The following USP7 variants were observed in gnomAD, a reference collection of about 807,000 sequenced individuals.
USP7 encodes ubiquitin C-terminal hydrolase 7.
Under a neutral mutation model 162.9 loss-of-function variants are expected in USP7, and 9 were observed. That is an observed-to-expected ratio of 0.06 (90% confidence interval 0.03 to 0.10). The LOEUF (loss-of-function observed/expected upper bound fraction) is 0.10. USP7 is among the 10% of genes least tolerant of loss of function. The pLI is 1.00. For synonymous variants in USP7, 562 were observed against 475.9 expected (o/e 1.18, Z -2.35); for missense variants, 715 against 1,373.7 (o/e 0.52, Z 7.58).
At chr16:8,914,427 C>T (rs1333191949) in intron 10 of USP7, among the ~76,000 whole-genome samples, 1 of 150,694 alleles carries the variant, frequency 6.6e-6, no homozygotes, top group Non-Finnish European at 1.5e-5. Context: ...CCTCCAAATG[C>T]AAACAGGCAT....
chr16:8,912,069 T>C (rs557941278), intron 10 of USP7, among the ~76,000 whole-genome samples: 19 of 152,218 alleles, frequency 1.2e-4, no homozygotes, highest in Non-Finnish European at 2.8e-4. Flanking sequence ...AAGTCACTTA[T>C]CTGTGCATAA....
At chr16:8,935,926 A>C (rs1596399524) in intron 1 of USP7, 1 of 152,174 alleles carries the variant, frequency 6.6e-6, no homozygotes, top group African/African-American at 2.4e-5. Flanking sequence ...AGTTACGTAG[A>C]CCACTTCAGC....
intron 2 of USP7, among the ~76,000 whole-genome samples, chr16:8,925,029 T>C (rs532689844): frequency 6.6e-6 from 1 of 152,308 alleles, no homozygotes; most frequent in East Asian, 1.9e-4. Flanking sequence ...TAATAACGTC[T>C]AGAATGGCGT....
rs1279914031 is a variant in USP7, at chr16:8,892,672, A to C, written c.*1326T>G. On this transcript the variant is annotated 3_prime_UTR_variant, in exon 31 of 31. Transcript: ENST00000344836. ...CCCCGCAAAACGGAATTAGAAGGAA[A>C]AGTACATCTCAGTGAAACCTTGTTA... The C allele has an allele frequency of 6.6e-6, 1 of 151,930 alleles. No individual in the cohort carries two copies. The highest frequency in any genetic ancestry group is 1.5e-5 in the Non-Finnish European group (1 of 68,004). The allele number at this position is 151,930 out of a possible 1,614,324, so 9.4% of individuals were successfully genotyped here.
At chr16:8,920,317 C>G (rs775840362) in intron 5 of USP7, 42 bp downstream of exon 5, 98 of 1,551,762 alleles carry the variant, frequency 6.3e-5, no homozygotes, top group Non-Finnish European at 6.2e-6. Context: ...CACTGCAGCA[C>G]AAAAGACATT....
chr16:8,962,956 T>C (rs1900078261), intron 1 of USP7: 2 of 213,876 alleles, frequency 9.4e-6, no homozygotes, highest in Admixed American at 5.9e-5. Context: ...CAGGGCGCTT[T>C]GTGCCGCGGA....
At chr16:8,902,793 CAGG>C (rs1243991719) in intron 16 of USP7, among the ~76,000 whole-genome samples, 1 of 151,846 alleles carries the variant, frequency 6.6e-6, no homozygotes, top group African/African-American at 2.4e-5. Context: ...GAGGCTGAGG[CAGG>C]AGAATTGCTT....
At chr16:8,908,524 T>C in intron 11 of USP7, 74 bp from the exon 12 acceptor site, 1 of 1,308,782 alleles carries the variant, frequency 7.6e-7, no homozygotes, top group Non-Finnish European at 1.1e-6. Flanking sequence ...CAACAGCGGT[T>C]CAGCAAGATT....
chr16:8,897,885 C>A (rs1054666674), intron 25 of USP7, among the ~76,000 whole-genome samples: 3 of 150,336 alleles, frequency 2.0e-5, no homozygotes, highest in African/African-American at 7.4e-5. Flanking sequence ...GGTGACAGAG[C>A]GAGACCCTGT....
chr16:8,951,529 C>T (rs774433299), intron 1 of USP7, among the ~76,000 whole-genome samples: 1 of 152,122 alleles, frequency 6.6e-6, no homozygotes, highest in African/African-American at 2.4e-5. Flanking sequence ...GAGAGAGCCC[C>T]TGGATATCCT....
chr16:8,927,081 G>A (rs919763352), intron 2 of USP7, among the ~76,000 whole-genome samples: 21 of 152,286 alleles, frequency 1.4e-4, no homozygotes, highest in South Asian at 4.1e-4. Context: ...CTGGGAGGCC[G>A]GGGTGGGCGA....
intron 1 of USP7, among the ~76,000 whole-genome samples, chr16:8,953,065 G>A (rs1899630114): frequency 6.6e-6 from 1 of 152,070 alleles, no homozygotes; most frequent in Non-Finnish European, 1.5e-5. Flanking sequence ...TTGAACCCCT[G>A]ACCTCGTAAT....
chr16:8,901,320 G>A (rs1199501492), intron 18 of USP7, 86 bp from the exon 19 acceptor site: 33 of 663,596 alleles, frequency 5.0e-5, no homozygotes, highest in Middle Eastern at 6.8e-4. Context: ...ACAAAAAAAC[G>A]AAAAAAAAAA....
chr16:8,913,678 T>C (rs957642391), intron 10 of USP7, among the ~76,000 whole-genome samples: 1 of 152,052 alleles, frequency 6.6e-6, no homozygotes, highest in African/African-American at 2.4e-5. Flanking sequence ...CATATCCAAA[T>C]TAAAAACGGA....
In USP7 at chr16:8,923,390, T is replaced by C. The variant is rs1302502113; in HGVS notation, c.208A>G (p.Thr70Ala). 2 of 1,614,034 alleles carry C rather than the reference T, an allele frequency of 1.2e-6. No individual in the cohort carries two copies. The highest frequency in any genetic ancestry group is 1.7e-6 in the Non-Finnish European group (2 of 1,180,034). ...EDDTSWRSEA[T>A]FQFTVERFSR... ...AAGCGCTCCACAGTGAACTGAAAGG[T>C]TGCCTCGGAGCGCCAACTGGTGTCT... The change falls in exon 3 of 31, where the codon ACC (threonine) becomes GCC (alanine). Residue 70 changes from threonine to alanine, a missense_variant. Thr to Ala is a moderately conservative substitution (Grantham distance 58). Coordinates refer to ENST00000344836, the MANE Select transcript of USP7 (RefSeq NM_003470.3).
Position 8,905,197 on chromosome 16 carries a change from T to A in USP7, c.1563A>T (p.Glu521Asp). The change falls in exon 14 of 31, where the codon GAA becomes GAT. Residue 521 changes from glutamate (E) to aspartate (D), a missense_variant. By Grantham distance (45) the Glu-to-Asp change is conservative. Transcript: ENST00000344836. ...TNAYMLVYIRESKLSEVLQAV... is the reference protein window; with the variant it reads ...TNAYMLVYIRDSKLSEVLQAV... ...GTGAACACTACTCACTCAGTTTTGA[T>A]TCCCTGATGTAGACTAACATGTAAG... The A allele has an allele frequency of 6.2e-7, 1 of 1,613,952 alleles. No homozygotes were observed. Among genetic ancestry groups the A allele is most frequent in the Non-Finnish European group, 8.5e-7 (1 of 1,179,806 alleles).
At chr16:8,937,467 A>G (rs565243147) in intron 1 of USP7, among the ~76,000 whole-genome samples, 1 of 152,288 alleles carries the variant, frequency 6.6e-6, no homozygotes, top group African/African-American at 2.4e-5. Flanking sequence ...ACTTGAACCC[A>G]GGAGGCGGAG....
intron 2 of USP7, among the ~76,000 whole-genome samples, chr16:8,929,837 A>C (rs2045440276): frequency 6.6e-6 from 1 of 152,252 alleles, no homozygotes; most frequent in Non-Finnish European, 1.5e-5. Flanking sequence ...TGAAGGCCAA[A>C]GCTTGAATCT....
At chr16:8,923,132 C>T (rs1333092533) in intron 3 of USP7, 83 bp downstream of exon 3, 48 of 810,018 alleles carry the variant, frequency 5.9e-5, no homozygotes, top group Non-Finnish European at 8.4e-5. Context: ...AATCAAAAGG[C>T]TATGTAGAGG....
Sources: allele counts gnomAD v4.1 joint callset (sites outside exome capture counted in the v4.1 genomes callset), GRCh38; gene constraint gnomAD v4.1.1; transcripts MANE v1.5; gene names NCBI Gene and HGNC (gene_info 2026-07-23, HGNC 2026-07-21).